HSPG2: variants seen among roughly 807,000 people sequenced by gnomAD.
HSPG2 encodes basement membrane-specific heparan sulfate proteoglycan core protein.
In HSPG2, 278 loss-of-function variants were observed where a neutral mutation model predicts 526.6. That is an observed-to-expected ratio of 0.53 (90% confidence interval 0.48 to 0.58). The LOEUF (loss-of-function observed/expected upper bound fraction) is 0.58. Ranked by LOEUF, HSPG2 falls within the 20% of genes least tolerant of loss-of-function variation. The probability of loss-of-function intolerance (pLI) is 0.00; values close to 1 mark genes in which losing one functional copy is unlikely to be tolerated. For missense variants in HSPG2, 5,354 were observed against 6,099.5 expected (o/e 0.88, Z 4.07); for synonymous variants, 2,465 against 2,555.4 (o/e 0.96, Z 1.07).
chr1:21,842,859 T>A lies in HSPG2; in HGVS notation c.8821A>T (p.Thr2941Ser), dbSNP rs2098054982. 1.2e-6 allele frequency: 2 copies of A among 1,613,826 alleles called. No homozygotes were observed. Among genetic ancestry groups the A allele is most frequent in the South Asian group, 2.2e-5 (2 of 91,066 alleles). The change falls in exon 67 of 97, where the codon ACT becomes TCT. Residue 2941 changes from threonine (T) to serine (S), a missense_variant. Thr to Ser is a moderately conservative substitution (Grantham distance 58). Coordinates refer to ENST00000374695, the MANE Select transcript of HSPG2 (RefSeq NM_005529.7). ...ASSSHVTEGQTLDLNCVVPGQ... is the reference protein window; with the variant it reads ...ASSSHVTEGQSLDLNCVVPGQ... ...GGCACCACACAGTTCAGATCCAGAGTCTGCCCTTCAGTCACGTGTGAAGAG... is the reference window on the plus strand; with the variant it reads ...GGCACCACACAGTTCAGATCCAGAGACTGCCCTTCAGTCACGTGTGAAGAG...
Position 21,929,033 on chromosome 1 carries a change from T to C in HSPG2, c.63+8122A>G, listed in dbSNP as rs186262227. ...CCTTGGCCTCCCAAAGTGCTGGGAT[T>C]ACAGGTTGTGAGCCACTGTGCCCAG... is the stretch of plus-strand genomic sequence containing the variant. On this transcript the variant is annotated intron_variant, in intron 1 of 96. Transcript: ENST00000374695. Among the ~76,000 whole-genome samples, 442 of 152,326 alleles carry C rather than the reference T, an allele frequency of 2.9e-3. 3 individuals carry two copies. Among genetic ancestry groups the C allele is most frequent in the Middle Eastern group, 0.014 (4 of 294 alleles).
chr1:21,841,018 T>C, intron 71 of HSPG2, 83 bp downstream of exon 71: 2 of 1,285,864 alleles, frequency 1.6e-6, no homozygotes, highest in Admixed American at 2.0e-5. Flanking sequence ...CACCTGCCCA[T>C]CCACTACTAT....
intron 1 of HSPG2, among the ~76,000 whole-genome samples, chr1:21,910,015 G>A (rs1174875111): frequency 6.6e-6 from 1 of 152,196 alleles, no homozygotes; most frequent in African/African-American, 2.4e-5. Context: ...AGGCCTTCCT[G>A]CCTGAGCCAG....
At chr1:21,907,376 T>C (rs1420282310) in intron 1 of HSPG2, among the ~76,000 whole-genome samples, 1 of 152,110 alleles carries the variant, frequency 6.6e-6, no homozygotes, top group East Asian at 1.9e-4. Context: ...TTCCCTTCTC[T>C]GGGCCTCAGA....
At chr1:21,863,695 C>T (rs1462179321) in intron 37 of HSPG2, among the ~76,000 whole-genome samples, 1 of 146,830 alleles carries the variant, frequency 6.8e-6, no homozygotes, top group Non-Finnish European at 1.5e-5. Context: ...AGACTGAGAC[C>T]CTGTCTCAAA....
intron 1 of HSPG2, among the ~76,000 whole-genome samples, chr1:21,897,620 T>C (rs947806751): frequency 6.6e-6 from 1 of 152,142 alleles, no homozygotes; most frequent in Non-Finnish European, 1.5e-5. Flanking sequence ...AACCACTGAT[T>C]GATAGGTGTG....
chr1:21,887,893 C>T lies in HSPG2; in HGVS notation c.703+45G>A. The T allele has an allele frequency of 6.2e-7, 1 of 1,613,294 alleles. No homozygotes were observed. Among genetic ancestry groups the T allele is most frequent in the South Asian group, 1.1e-5 (1 of 91,068 alleles). ...AAGACCCAGGTGTAGGACCCTGGCC[C>T]TCCCCTGGCACCCAAACCACTCGTG... On this transcript the variant is annotated intron_variant, in intron 7 of 96. Coordinates refer to ENST00000374695, the MANE Select transcript of HSPG2 (RefSeq NM_005529.7). The surrounding 1 kb of genome is among the most constrained non-coding windows in gnomAD (Gnocchi z 5.0).
chr1:21,913,618 G>A (rs947160177), intron 1 of HSPG2, among the ~76,000 whole-genome samples: 4 of 152,158 alleles, frequency 2.6e-5, no homozygotes, highest in Non-Finnish European at 5.9e-5. Flanking sequence ...TGTCATTCTG[G>A]GGCAGTGAGC....
chr1:21,935,353 T>C (rs564256872), intron 1 of HSPG2, among the ~76,000 whole-genome samples: 1 of 152,232 alleles, frequency 6.6e-6, no homozygotes, highest in East Asian at 1.9e-4. Context: ...TGCCTGTTTA[T>C]TTGTCTAAAT....
intron 1 of HSPG2, among the ~76,000 whole-genome samples, chr1:21,907,777 G>A (rs1274493151): frequency 6.6e-6 from 1 of 152,176 alleles, no homozygotes; most frequent in African/African-American, 2.4e-5. Flanking sequence ...GCCTCCTAAA[G>A]TGCTGGGATT....
At chr1:21,931,087 G>A (rs1644334389) in intron 1 of HSPG2, among the ~76,000 whole-genome samples, 1 of 152,194 alleles carries the variant, frequency 6.6e-6, no homozygotes, top group African/African-American at 2.4e-5. Context: ...CATCATGGAA[G>A]GGAAGGGAGA....
chr1:21,859,891 TA>T lies in HSPG2; in HGVS notation c.5125del (p.Tyr1709IlefsTer65). On this transcript the variant is annotated frameshift_variant, in exon 41 of 97. Transcript: ENST00000374695. LOFTEE classifies it high-confidence loss of function. The surrounding 1 kb of genome is among the most constrained non-coding windows in gnomAD (Gnocchi z 5.3). ...AGGCCGCCCATCCTCACGGGACCAA[TA>T]GAAGTAGTGGGGTGGGCTCCCACTG... Reference protein sequence around the residue: ...QVSGSPPHYFYWSREDGRPVP... With the variant: ...QVSGSPPHYFXWSREDGRPVP... 1 of 1,610,992 alleles carries T rather than the reference TA, an allele frequency of 6.2e-7. No individual in the cohort carries two copies. The highest frequency in any genetic ancestry group is 1.1e-5 in the South Asian group (1 of 90,210).
At position 21,864,854 on chromosome 1, in the gene HSPG2, G is replaced by T; in HGVS notation, c.4615C>A (p.Leu1539Met). The change falls in exon 36 of 97, where the codon CTG (leucine) becomes ATG (methionine). Residue 1539 changes from leucine (L) to methionine (M), a missense_variant. Physicochemically the swap from Leu to Met is conservative, Grantham distance 15. Transcript: ENST00000374695. This position sits in a 1 kb window ranked among gnomAD's most constrained non-coding sequence, Gnocchi z 4.8. ...GGCCACACACTCACCTGGCAGGACAGACCGATGTAGCCTGGCGGGCAGCGG... is the reference window on the plus strand; with the variant it reads ...GGCCACACACTCACCTGGCAGGACATACCGATGTAGCCTGGCGGGCAGCGG... ...ECRCPPGYIG[L>M]SCQDCAPGYT... 1 of 1,609,938 alleles carries T rather than the reference G, an allele frequency of 6.2e-7. No individual in the cohort carries two copies.
At position 21,857,027 on chromosome 1, in the gene HSPG2, G is replaced by A; in HGVS notation, c.5563C>T (p.Leu1855=). ...MFAMDQGTAT[L]HVQASGTLSA... ...ATGGGAGGTGTACCCTGCACATGTA[G>A]AGTGGCTGTGCCCTGGTCCATGGCA... Residue 1855 remains leucine, a synonymous_variant, in exon 44 of 97, where the codon CTA becomes TTA. Coordinates refer to ENST00000374695, the MANE Select transcript of HSPG2 (RefSeq NM_005529.7). 6.2e-7 allele frequency: 1 copy of A among 1,614,172 alleles called. No individual in the cohort carries two copies. The highest frequency in any genetic ancestry group is 8.5e-7 in the Non-Finnish European group (1 of 1,179,996).
intron 79 of HSPG2, 26 bp from the exon 80 acceptor site, chr1:21,833,410 ACCCTG>A (rs2098013143): frequency 6.2e-7 from 1 of 1,613,692 alleles, no homozygotes; most frequent in Non-Finnish European, 8.5e-7. Flanking sequence ...ACAGCTGAAG[ACCCTG>A]CCAGTCAGGG....
intron 33 of HSPG2, among the ~76,000 whole-genome samples, chr1:21,868,040 ATTT>A (rs35588639): frequency 7.1e-6 from 1 of 141,818 alleles, no homozygotes; most frequent in Non-Finnish European, 1.5e-5. Context: ...AGGAAGCTGA[ATTT>A]TTTTTTTTTC....
intron 62 of HSPG2, 112 bp from the exon 63 acceptor site, chr1:21,846,711 A>G: frequency 7.9e-7 from 1 of 1,264,072 alleles, no homozygotes; most frequent in East Asian, 2.4e-5. Flanking sequence ...ACTAATAGTT[A>G]ACACTTGGCC....
chr1:21,918,593 C>T (rs1643945701), intron 1 of HSPG2, among the ~76,000 whole-genome samples: 1 of 152,242 alleles, frequency 6.6e-6, no homozygotes, highest in East Asian at 1.9e-4. Context: ...ATCTTCCCAA[C>T]AGCCCCACAA....
intron 13 of HSPG2, among the ~76,000 whole-genome samples, chr1:21,883,963 T>C (rs979174837): frequency 8.5e-5 from 13 of 152,170 alleles, no homozygotes; most frequent in African/African-American, 3.1e-4. Context: ...CGGCAGTAAG[T>C]GGTATAGCTG....
Sources: gnomAD v4.1 joint callset for allele counts (sites outside exome capture counted in the v4.1 genomes callset) on GRCh38, gnomAD v4.1.1 for gene constraint, Gnocchi (gnomAD v3.1) non-coding constraint, MANE v1.5 for transcripts, NCBI Gene and HGNC (gene_info 2026-07-23, HGNC 2026-07-21) for gene names.